STARD13: variants seen among roughly 807,000 people sequenced by gnomAD.
The protein encoded by STARD13 is StAR related lipid transfer domain containing 13.
STARD13 carries 62 observed loss-of-function variants against 106.4 expected under a neutral mutation model. The observed-to-expected ratio is 0.58, with a 90% confidence interval of 0.48 to 0.72. The LOEUF (loss-of-function observed/expected upper bound fraction) is 0.72. STARD13 is among the 30% of genes least tolerant of loss of function. The probability of loss-of-function intolerance (pLI) is 0.00; values close to 1 mark genes in which losing one functional copy is unlikely to be tolerated. For synonymous variants in STARD13, 565 were observed against 553.0 expected, an observed-to-expected ratio of 1.02 and a Z score of -0.31; for missense variants, 1,387 against 1,424.0, an observed-to-expected ratio of 0.97 and a Z score of 0.42.
At chr13:33,118,365 A>G in intron 7 of STARD13, 102 bp from the exon 8 acceptor site, 1 of 927,506 alleles carries the variant, frequency 1.1e-6, no homozygotes, top group Non-Finnish European at 1.8e-6. Context: ...TTGCCTCCCA[A>G]TTAGTACATG....
the STARD13 span, among the ~76,000 whole-genome samples, chr13:33,358,776 G>C: frequency 6.6e-6 from 1 of 151,812 alleles, no homozygotes; most frequent in Non-Finnish European, 1.5e-5. Flanking sequence ...TTTATGTCTA[G>C]CTCAGGGATT....
chr13:33,666,560 G>A, the STARD13 span, among the ~76,000 whole-genome samples: 1 of 152,198 alleles, frequency 6.6e-6, no homozygotes, highest in South Asian at 2.1e-4. Context: ...CTCCCAAAGT[G>A]CTGGGATCAC....
the STARD13 span, among the ~76,000 whole-genome samples, chr13:33,583,431 C>T: frequency 6.6e-6 from 1 of 152,140 alleles, no homozygotes; most frequent in Non-Finnish European, 1.5e-5. Context: ...TTCTTCAGCC[C>T]CTGGGGACTT....
the STARD13 span, among the ~76,000 whole-genome samples, chr13:33,608,775 G>T: frequency 6.6e-6 from 1 of 152,038 alleles, no homozygotes; most frequent in East Asian, 1.9e-4. Context: ...AATCTTCATA[G>T]AACTAAAAAA....
chr13:33,192,631 G>A (rs1437133897), intron 1 of STARD13, among the ~76,000 whole-genome samples: 2 of 152,180 alleles, frequency 1.3e-5, no homozygotes, highest in Non-Finnish European at 2.9e-5. Flanking sequence ...GGACGCAGTG[G>A]CTCATGCCTG....
chr13:33,663,583 A>G, the STARD13 span, among the ~76,000 whole-genome samples: 1 of 152,230 alleles, frequency 6.6e-6, no homozygotes, highest in African/African-American at 2.4e-5. Context: ...CAATTATGTT[A>G]AAATAGTAGG....
the STARD13 span, among the ~76,000 whole-genome samples, chr13:33,375,719 A>G: frequency 6.6e-6 from 1 of 152,154 alleles, no homozygotes; most frequent in South Asian, 2.1e-4. Context: ...CCCATGAGTC[A>G]ATTACCTCCC....
chr13:33,246,417 T>C (rs1349177371), intron 1 of STARD13, among the ~76,000 whole-genome samples: 1 of 152,240 alleles, frequency 6.6e-6, no homozygotes, highest in Non-Finnish European at 1.5e-5. Context: ...TGTATCTTTG[T>C]CTAAGTCTGT....
the STARD13 span, among the ~76,000 whole-genome samples, chr13:33,616,083 T>C: frequency 1.3e-5 from 2 of 151,762 alleles, no homozygotes; most frequent in Non-Finnish European, 2.9e-5. Context: ...TAAAGACACA[T>C]TTCTTGACAG....
chr13:33,176,149 T>C (rs916494254), intron 1 of STARD13, among the ~76,000 whole-genome samples: 1 of 152,218 alleles, frequency 6.6e-6, no homozygotes, highest in Non-Finnish European at 1.5e-5. Context: ...GCAACTGTCA[T>C]ATCTGGATCA....
intron 1 of STARD13, among the ~76,000 whole-genome samples, chr13:33,269,849 T>A (rs1891072547): frequency 6.6e-6 from 1 of 152,200 alleles, no homozygotes; most frequent in Non-Finnish European, 1.5e-5. Flanking sequence ...ATTAATTATA[T>A]ACATTCGCTC....
At chr13:33,219,086 G>T (rs1365615054) in intron 1 of STARD13, among the ~76,000 whole-genome samples, 1 of 152,056 alleles carries the variant, frequency 6.6e-6, no homozygotes, top group East Asian at 1.9e-4. Flanking sequence ...TACAATTACA[G>T]GGTACTATGT....
At chr13:33,336,724 C>G (rs1039675859) in intron 1 of STARD13, 1 of 136,262 alleles carries the variant, frequency 7.3e-6, no homozygotes, top group Non-Finnish European at 1.5e-5. Flanking sequence ...CCACTGCACT[C>G]CATCCTGGGT....
chr13:33,266,231 T>G (rs1336856670), intron 1 of STARD13, among the ~76,000 whole-genome samples: 1 of 152,202 alleles, frequency 6.6e-6, no homozygotes, highest in African/African-American at 2.4e-5. Context: ...CGTTTCTTAA[T>G]CTTTAAAATG....
chr13:33,636,188 A>G, the STARD13 span, among the ~76,000 whole-genome samples: 1,407 of 151,544 alleles, frequency 9.3e-3, 13 homozygotes, highest in South Asian at 0.014. Flanking sequence ...AGCAGAGATC[A>G]TCACTCATAG....
At chr13:33,124,343 G>T (rs567855339) in intron 7 of STARD13, among the ~76,000 whole-genome samples, 1 of 152,192 alleles carries the variant, frequency 6.6e-6, no homozygotes, top group Non-Finnish European at 1.5e-5. Context: ...AAGTCCCTTC[G>T]ATGTCCTACG....
intron 1 of STARD13, among the ~76,000 whole-genome samples, chr13:33,170,331 C>T (rs1883809200): frequency 6.6e-6 from 1 of 152,066 alleles, no homozygotes; most frequent in Non-Finnish European, 1.5e-5. Context: ...ATTTTGAAAA[C>T]AACACTCCTT....
chr13:33,183,838 C>T (rs1336927590), intron 1 of STARD13, among the ~76,000 whole-genome samples: 1 of 152,176 alleles, frequency 6.6e-6, no homozygotes, highest in African/African-American at 2.4e-5. Context: ...CCAATTCCCC[C>T]AGGCTGCCCC....
At chr13:33,513,174 A>T in the STARD13 span, among the ~76,000 whole-genome samples, 5 of 152,230 alleles carry the variant, frequency 3.3e-5, no homozygotes, top group East Asian at 5.8e-4. Flanking sequence ...GATGAGTGAG[A>T]TAGGGTAAAG....
Sources: allele counts gnomAD v4.1 joint callset (sites outside exome capture counted in the v4.1 genomes callset), GRCh38; gene constraint gnomAD v4.1.1; transcripts MANE v1.5; gene names NCBI Gene and HGNC (gene_info 2026-07-23, HGNC 2026-07-21).